IL1RL1: variants seen among roughly 807,000 people sequenced by gnomAD.
IL1RL1 encodes the protein interleukin-1 receptor-like 1.
IL1RL1 carries 32 observed loss-of-function variants against 50.9 expected under a neutral mutation model. The ratio of observed to expected loss-of-function variants is 0.63; its 90% CI spans 0.47 to 0.84. The LOEUF is 0.84. Among genes scored for constraint, IL1RL1 ranks in the 40% least tolerant of loss-of-function variants. IL1RL1 has a pLI of 0.00. For synonymous variants in IL1RL1, 275 were observed against 236.0 expected, an observed-to-expected ratio of 1.17 and a Z score of -1.51; for missense variants, 773 against 662.9, an observed-to-expected ratio of 1.17 and a Z score of -1.82.
At chr2:102,335,520 A>T (rs1014327306) in intron 1 of IL1RL1, among the ~76,000 whole-genome samples, 4 of 152,208 alleles carry the variant, frequency 2.6e-5, no homozygotes, top group Non-Finnish European at 1.5e-5. Context: ...GAGTGATGTT[A>T]ATGATAAGTA....
chr2:102,334,988 A>G (rs144105693), intron 1 of IL1RL1, among the ~76,000 whole-genome samples: 3 of 152,288 alleles, frequency 2.0e-5, no homozygotes, highest in Non-Finnish European at 4.4e-5. Flanking sequence ...CAAAATTAAG[A>G]AAAAGCTGGT....
At chr2:102,341,305 G>T in intron 5 of IL1RL1, 1 of 1,244,562 alleles carries the variant, frequency 8.0e-7, no homozygotes, top group East Asian at 6.5e-5. Context: ...AAATGTTGTC[G>T]AGTGGTTTTT....
chr2:102,338,854 C>T lies in IL1RL1; in HGVS notation c.79C>T (p.Leu27=). Residue 27 remains leucine (L), a synonymous_variant, in exon 3 of 11, where the codon CTG becomes TTG. Coordinates refer to ENST00000233954, the MANE Select transcript of IL1RL1 (RefSeq NM_016232.5). Reference sequence around the variant, plus strand: ...ATTTGCAGGTAAACAATCATGGGGCCTGGAAAATGAGGCTTTAATTGTAAG... The same window carrying T: ...ATTTGCAGGTAAACAATCATGGGGCTTGGAAAATGAGGCTTTAATTGTAAG... ...AAKFSKQSWG[L]ENEALIVRCP... The T allele has an allele frequency of 6.2e-7, 1 of 1,612,826 alleles. No homozygotes were observed. The highest frequency in any genetic ancestry group is 1.1e-5 in the South Asian group (1 of 91,054).
chr2:102,323,460 A>G (rs1319063089), intron 1 of IL1RL1, among the ~76,000 whole-genome samples: 1 of 152,110 alleles, frequency 6.6e-6, no homozygotes, highest in Non-Finnish European at 1.5e-5. Flanking sequence ...TATTTGGCTC[A>G]TGATTTTAAT....
intron 1 of IL1RL1, among the ~76,000 whole-genome samples, chr2:102,332,230 T>C (rs184156372): frequency 1.7e-3 from 259 of 152,266 alleles, no homozygotes; most frequent in Middle Eastern, 0.014. Context: ...ACATGATGCA[T>C]AAGTAGAATG....
intron 1 of IL1RL1, among the ~76,000 whole-genome samples, chr2:102,330,700 A>C (rs185306098): frequency 1.7e-4 from 26 of 152,198 alleles, no homozygotes; most frequent in African/African-American, 6.3e-4. Flanking sequence ...TATAGATACA[A>C]GTCTTTCATC....
chr2:102,338,308 C>T lies in IL1RL1; in HGVS notation c.44C>T (p.Ser15Phe), dbSNP rs765447417. ...GCAATTCTCACAATTCTCATGTATT[C>T]CACAGCAGCAAAGTTTAGTAAGTAT... is the stretch of plus-strand genomic sequence containing the variant. ...ILAILTILMY[S>F]TAAKFSKQSW... Residue 15 changes from serine (S) to phenylalanine (F), a missense_variant, in exon 2 of 11, where the codon TCC (serine) becomes TTC (phenylalanine). Transcript: ENST00000233954. 6.3e-7 allele frequency: 1 copy of T among 1,598,662 alleles called. No homozygotes were observed. The highest frequency in any genetic ancestry group is 2.2e-5 in the East Asian group (1 of 44,500).
Position 102,351,991 on chromosome 2 carries a change from C to G in IL1RL1, c.*70C>G, listed in dbSNP as rs1329959658. 11 of 1,429,172 alleles carry G rather than the reference C, an allele frequency of 7.7e-6. No homozygotes were observed. Among genetic ancestry groups the G allele is most frequent in the Non-Finnish European group, 1.0e-5 (11 of 1,050,556 alleles). 88.5% of individuals were successfully genotyped at this position (1,429,172 alleles called of 1,614,324 possible). A position where few individuals can be genotyped will look rare whatever the true frequency, so the allele number is the denominator to read the frequency against. On this transcript the variant is annotated 3_prime_UTR_variant, in exon 11 of 11. Transcript: ENST00000233954. ...GACTTCTCCTAGCTGGCTTATGCCCCTGCACTGAAGTGTGAGGAGCAGGAA... is the reference window on the plus strand; with the variant it reads ...GACTTCTCCTAGCTGGCTTATGCCCGTGCACTGAAGTGTGAGGAGCAGGAA...
rs1677927413 is a variant in IL1RL1, at chr2:102,351,449, A to T, written c.1286-87A>T. 4 of 1,211,190 alleles carry T rather than the reference A, an allele frequency of 3.3e-6. No individual in the cohort carries two copies. The Admixed American group carries it at 7.1e-5, about 21-fold the overall frequency. The allele number at this position is 1,211,190 out of a possible 1,614,324, so 75.0% of individuals were successfully genotyped here. On this transcript the variant is annotated intron_variant, in intron 10 of 10. Transcript: ENST00000233954. ...ATGTCAGAGAATCTCACACCAGATTATAACAATAAGACTTTTAAATGTTCA... is the reference window on the plus strand; with the variant it reads ...ATGTCAGAGAATCTCACACCAGATTTTAACAATAAGACTTTTAAATGTTCA...
chr2:102,340,517 G>T, intron 4 of IL1RL1, 149 bp from the exon 5 acceptor site: 3 of 791,128 alleles, frequency 3.8e-6, no homozygotes, highest in Non-Finnish European at 6.1e-6. Flanking sequence ...GGAGGCTGAG[G>T]TATGAAAATC....
Position 102,333,000 on chromosome 2 carries a change from A to G in IL1RL1, c.-149-5116A>G, listed in dbSNP as rs1396815344. On this transcript the variant is annotated intron_variant, in intron 1 of 10. Coordinates refer to ENST00000233954, the MANE Select transcript of IL1RL1 (RefSeq NM_016232.5). ...GGAACAATGTCTGCCTAGTGCCTTC[A>G]AGGAACAGCAATGAGGATACGGGGT... is the stretch of plus-strand genomic sequence containing the variant. Among the ~76,000 whole-genome samples the G allele has an allele frequency of 3.3e-5, 5 of 152,282 alleles. No individual in the cohort carries two copies. In the South Asian group the frequency reaches 6.2e-4, roughly 19 times the overall value.
intron 4 of IL1RL1, 117 bp from the exon 5 acceptor site, chr2:102,340,549 G>T (rs1413007378): frequency 4.8e-6 from 5 of 1,041,552 alleles, no homozygotes; most frequent in African/African-American, 3.3e-5. Context: ...GAAGGCAGAG[G>T]TTACAGCGAG....
intron 10 of IL1RL1, among the ~76,000 whole-genome samples, chr2:102,350,159 A>G (rs1677888461): frequency 1.3e-5 from 2 of 152,198 alleles, no homozygotes; most frequent in African/African-American, 4.8e-5. Context: ...TTCTTCCCCC[A>G]TTTTCCCACT....
intron 1 of IL1RL1, among the ~76,000 whole-genome samples, chr2:102,327,234 C>A (rs1456558326): frequency 6.6e-6 from 1 of 152,044 alleles, no homozygotes; most frequent in Admixed American, 6.5e-5. Context: ...GGAAACTGAA[C>A]AACCTGCTCC....
At position 102,316,196 on chromosome 2, in the gene IL1RL1, G is replaced by A. The variant is rs377715303; in HGVS notation, c.-150+4573G>A. 1.5e-3 allele frequency among the ~76,000 whole-genome samples: 227 copies of A among 152,282 alleles called. 4 individuals are homozygous for A. The highest frequency in any genetic ancestry group is 5.3e-3 in the African/African-American group (219 of 41,552). On this transcript the variant is annotated intron_variant, in intron 1 of 10. Transcript: ENST00000233954. ...CTGCAGTTAGTTAATCATGTCTTGA[G>A]CACAGAAAAATGGGAAGAAAATGGA...
chr2:102,325,121 C>A (rs1452334989), intron 1 of IL1RL1, among the ~76,000 whole-genome samples: 2 of 152,126 alleles, frequency 1.3e-5, no homozygotes, highest in African/African-American at 4.8e-5. Context: ...CAGTCTGACA[C>A]CTCACACAGC....
chr2:102,321,561 C>A (rs183016560), intron 1 of IL1RL1, among the ~76,000 whole-genome samples: 1 of 152,262 alleles, frequency 6.6e-6, no homozygotes, highest in East Asian at 1.9e-4. Context: ...AGTCAATAGC[C>A]ACTGCCCCCG....
chr2:102,333,398 T>C (rs1286431871), intron 1 of IL1RL1, among the ~76,000 whole-genome samples: 1 of 152,094 alleles, frequency 6.6e-6, no homozygotes, highest in East Asian at 1.9e-4. Context: ...GAGTCAATAA[T>C]AAATGGAGTC....
intron 8 of IL1RL1, chr2:102,346,021 A>G (rs974289818): frequency 1.0e-6 from 1 of 983,130 alleles, no homozygotes; most frequent in African/African-American, 1.8e-5. Flanking sequence ...TTTGTATTTC[A>G]CCTGTTTTTC....
Sources: allele counts gnomAD v4.1 joint callset (sites outside exome capture counted in the v4.1 genomes callset), GRCh38; gene constraint gnomAD v4.1.1; transcripts MANE v1.5; gene names NCBI Gene and HGNC (gene_info 2026-07-23, HGNC 2026-07-21).